The following RYK variants were observed in gnomAD, a reference collection of about 807,000 sequenced individuals.
RYK encodes the protein receptor like tyrosine kinase.
Under a neutral mutation model 70.2 loss-of-function variants are expected in RYK, and 21 were observed. The ratio of observed to expected loss-of-function variants is 0.30; its 90% CI spans 0.21 to 0.43. The LOEUF (loss-of-function observed/expected upper bound fraction) is 0.43, where lower values mean the gene tolerates loss of function less well. Among genes scored for constraint, RYK ranks in the 20% least tolerant of loss-of-function variants. RYK has a pLI of 1.00. For synonymous variants in RYK, 267 were observed against 278.0 expected, an observed-to-expected ratio of 0.96 and a Z score of 0.39; for missense variants, 604 against 753.3, an observed-to-expected ratio of 0.80 and a Z score of 2.32.
chr3:134,250,367 G>T, intron 1 of RYK, 56 bp downstream of exon 1: 1 of 1,173,464 alleles, frequency 8.5e-7, no homozygotes, highest in Non-Finnish European at 1.1e-6. Flanking sequence ...GCCGGCGGCC[G>T]GAAGCTGCCC....
chr3:134,188,849 T>C lies in RYK; in HGVS notation c.1090A>G (p.Lys364Glu). The C allele has an allele frequency of 6.4e-7, 1 of 1,568,714 alleles. No individual in the cohort carries two copies. The highest frequency in any genetic ancestry group is 8.7e-7 in the Non-Finnish European group (1 of 1,144,498). ...AAAAAGATCCTACCTTTAACTGTTT[T>C]GACAAATGCTTGTTTTTCTTTATTT... ...DPNKEKQAFVKTVKDQASEIQ... is the reference protein window; with the variant it reads ...DPNKEKQAFVETVKDQASEIQ... Residue 364 changes from lysine (K) to glutamate (E), a missense_variant, in exon 9 of 15, where the codon AAA (lysine) becomes GAA (glutamate). By Grantham distance (56) the Lys-to-Glu change is moderately conservative (BLOSUM62 1). This residue lies in a region of RYK where 466 missense variants were observed against 535.9 expected (regional missense o/e 0.87). Transcript: ENST00000623711.
intron 5 of RYK, among the ~76,000 whole-genome samples, chr3:134,205,438 T>A (rs184415060): frequency 2.0e-5 from 3 of 152,334 alleles, no homozygotes; most frequent in Admixed American, 2.0e-4. Flanking sequence ...AATGAAGGCA[T>A]GACTTTCATC....
intron 8 of RYK, among the ~76,000 whole-genome samples, chr3:134,189,227 G>A (rs1465400167): frequency 1.3e-5 from 2 of 152,164 alleles, no homozygotes; most frequent in African/African-American, 4.8e-5. Flanking sequence ...CAGTAATGAG[G>A]TATCCACAAT....
chr3:134,177,323 A>G (rs1560004225), intron 11 of RYK, among the ~76,000 whole-genome samples: 1 of 152,184 alleles, frequency 6.6e-6, no homozygotes, highest in South Asian at 2.1e-4. Context: ...GGCAACTATA[A>G]TAAGCATACT....
In RYK at chr3:134,250,795, G is replaced by A. The variant is rs1346195694; in HGVS notation, c.-141C>T. The A allele has an allele frequency of 9.5e-6, 2 of 209,730 alleles. No individual in the cohort carries two copies. The highest frequency in any genetic ancestry group is 7.0e-5 in the Admixed American group (1 of 14,270). The allele number at this position is 209,730 out of a possible 1,614,324, so 13.0% of individuals were successfully genotyped here. A position where few individuals can be genotyped will look rare whatever the true frequency, so the allele number is the denominator to read the frequency against. On this transcript the variant is annotated 5_prime_UTR_variant, in exon 1 of 15. Coordinates refer to ENST00000623711, the MANE Select transcript of RYK (RefSeq NM_002958.4). Reference sequence around the variant, plus strand: ...CGCCGGCCCGTGGCAGCCAGCAGTGGCTTCAGACCTCCGGAGCGCGCCGCC... The same window carrying A: ...CGCCGGCCCGTGGCAGCCAGCAGTGACTTCAGACCTCCGGAGCGCGCCGCC...
At chr3:134,185,503 G>C (rs937333416) in intron 9 of RYK, among the ~76,000 whole-genome samples, 1 of 152,166 alleles carries the variant, frequency 6.6e-6, no homozygotes, top group Non-Finnish European at 1.5e-5. Flanking sequence ...TAGACAAAAA[G>C]CCAAGGATCT....
At chr3:134,189,740 C>CAAAAAAAAAAAAAAA (rs57016937) in intron 8 of RYK, among the ~76,000 whole-genome samples, 1 of 92,642 alleles carries the variant, frequency 1.1e-5, no homozygotes, top group Non-Finnish European at 2.1e-5. Context: ...GAGACTCCGC[C>CAAAAAAAAAAAAAAA]AAAAAAAAAA....
At chr3:134,219,937 C>G (rs1216185680) in intron 2 of RYK, among the ~76,000 whole-genome samples, 1 of 152,194 alleles carries the variant, frequency 6.6e-6, no homozygotes, top group Non-Finnish European at 1.5e-5. Context: ...TTCAAATTAT[C>G]TCCCCACAAA....
chr3:134,169,062 G>C (rs778171671), intron 13 of RYK, among the ~76,000 whole-genome samples: 4 of 152,118 alleles, frequency 2.6e-5, no homozygotes, highest in Non-Finnish European at 4.4e-5. Context: ...TAATGTAAAG[G>C]CACAAGCAAC....
intron 1 of RYK, among the ~76,000 whole-genome samples, chr3:134,250,079 C>CA (rs1167817774): frequency 1.3e-5 from 2 of 151,870 alleles, no homozygotes; most frequent in Admixed American, 6.6e-5. Context: ...TAGAAAGCGT[C>CA]AAAAAAACTT....
chr3:134,212,611 T>C (rs1001139580), intron 2 of RYK, among the ~76,000 whole-genome samples: 2 of 152,160 alleles, frequency 1.3e-5, no homozygotes, highest in African/African-American at 4.8e-5. Flanking sequence ...GGGAGACAGA[T>C]GGTGAAGTGG....
intron 1 of RYK, among the ~76,000 whole-genome samples, chr3:134,229,970 A>T (rs758674016): frequency 6.6e-6 from 1 of 152,222 alleles, no homozygotes; most frequent in Non-Finnish European, 1.5e-5. Flanking sequence ...ACTTTGGAAA[A>T]CACAGTTTCT....
At chr3:134,204,591 C>A (rs868621187) in intron 5 of RYK, among the ~76,000 whole-genome samples, 52 of 140,788 alleles carry the variant, frequency 3.7e-4, no homozygotes, top group Non-Finnish European at 4.6e-5. Flanking sequence ...ACAGCCACAG[C>A]CACACACACA....
chr3:134,183,907 G>C (rs1386703216), intron 9 of RYK, among the ~76,000 whole-genome samples: 1 of 152,072 alleles, frequency 6.6e-6, no homozygotes, highest in Admixed American at 6.5e-5. Flanking sequence ...TCAAAAACAA[G>C]GTACAACTTG....
chr3:134,231,156 G>C (rs1194891029), intron 1 of RYK, among the ~76,000 whole-genome samples: 1 of 147,352 alleles, frequency 6.8e-6, no homozygotes, highest in African/African-American at 2.5e-5. Flanking sequence ...TCCATGTTAA[G>C]CTAGATAAAA....
chr3:134,172,067 G>A (rs950203768), intron 13 of RYK, among the ~76,000 whole-genome samples: 5 of 151,826 alleles, frequency 3.3e-5, no homozygotes, highest in Non-Finnish European at 4.4e-5. Context: ...TCTGCCCATC[G>A]AACTAGTTTT....
In RYK at chr3:134,159,107, A is replaced by C; in HGVS notation, c.1712+130T>G. The C allele has an allele frequency of 6.1e-6, 6 of 989,928 alleles. No individual in the cohort carries two copies. In the South Asian group the frequency reaches 8.6e-5, roughly 14 times the overall value. The allele number at this position is 989,928 out of a possible 1,614,324, so 61.3% of individuals were successfully genotyped here. A position where few individuals can be genotyped will look rare whatever the true frequency, so the allele number is the denominator to read the frequency against. Reference sequence around the variant, plus strand: ...ACTTTGTGGTTTTTTATAAGAGTCTAATTTAAATCCAAAGAGTCATTATTC... The same window carrying C: ...ACTTTGTGGTTTTTTATAAGAGTCTCATTTAAATCCAAAGAGTCATTATTC... On this transcript the variant is annotated intron_variant, in intron 14 of 14. Coordinates refer to ENST00000623711, the MANE Select transcript of RYK (RefSeq NM_002958.4).
intron 10 of RYK, chr3:134,180,638 T>C (rs921340117): frequency 6.6e-6 from 1 of 152,214 alleles, no homozygotes; most frequent in Non-Finnish European, 1.5e-5. Context: ...TACATAAGTA[T>C]AGCTATGAAC....
intron 13 of RYK, among the ~76,000 whole-genome samples, chr3:134,160,563 T>C (rs1255643446): frequency 6.6e-6 from 1 of 152,050 alleles, no homozygotes; most frequent in African/African-American, 2.4e-5. Context: ...AACAATGAAA[T>C]GACATATTTT....
Sources: allele counts gnomAD v4.1 joint callset (sites outside exome capture counted in the v4.1 genomes callset), GRCh38; gene constraint gnomAD v4.1.1; regional missense constraint gnomAD v4.1.1; transcripts MANE v1.5; gene names NCBI Gene and HGNC (gene_info 2026-07-23, HGNC 2026-07-21).